The following KLRG1 variants were observed in gnomAD, a reference collection of about 807,000 sequenced individuals.
The protein encoded by KLRG1 is killer cell lectin-like receptor subfamily G member 1.
Under a neutral mutation model 21.8 loss-of-function variants are expected in KLRG1, and 16 were observed. The observed-to-expected ratio is 0.73, with a 90% CI of 0.50 to 1.11. The LOEUF is 1.11. KLRG1 is among the 50% of genes most tolerant of loss of function. The pLI is 0.00. For synonymous variants in KLRG1, 69 were observed against 75.9 expected (o/e 0.91, Z 0.47); for missense variants, 173 against 218.3 (o/e 0.79, Z 1.31).
chr12:9,102,090 T>C, the KLRG1 span, among the ~76,000 whole-genome samples: 1 of 152,164 alleles, frequency 6.6e-6, no homozygotes, highest in Non-Finnish European at 1.5e-5. Context: ...TGAATGGGTA[T>C]TATGAATAAA....
the KLRG1 span, among the ~76,000 whole-genome samples, chr12:9,140,002 G>T: frequency 6.6e-6 from 1 of 151,962 alleles, no homozygotes; most frequent in Non-Finnish European, 1.5e-5. Flanking sequence ...TTATCTTGGG[G>T]CTGCATCTCT....
chr12:9,002,400 G>A (rs1947331906), intron 3 of KLRG1, among the ~76,000 whole-genome samples: 1 of 152,120 alleles, frequency 6.6e-6, no homozygotes. Flanking sequence ...AAGAAAAAGT[G>A]CCCTTGATTT....
At chr12:9,113,341 GTCAAACAGCCACAC>G in the KLRG1 span, 1 of 1,611,300 alleles carries the variant, frequency 6.2e-7, no homozygotes, top group Non-Finnish European at 8.5e-7. Flanking sequence ...AGTATATTAA[GTCAAACAGCCACAC>G]TCACAGCGAA....
the KLRG1 span, among the ~76,000 whole-genome samples, chr12:9,188,230 C>T: frequency 4.6e-5 from 7 of 152,262 alleles, no homozygotes; most frequent in South Asian, 8.3e-4. Context: ...ATAGGCATAT[C>T]AATAAATGTG....
the KLRG1 span, chr12:9,079,544 G>C: frequency 1.6e-6 from 2 of 1,230,894 alleles, no homozygotes; most frequent in Non-Finnish European, 1.1e-6. Flanking sequence ...AGTGAGCTAA[G>C]CTAATGTATC....
At chr12:9,172,024 C>T in the KLRG1 span, among the ~76,000 whole-genome samples, 5 of 152,034 alleles carry the variant, frequency 3.3e-5, no homozygotes, top group South Asian at 4.2e-4. Flanking sequence ...AACATCAACC[C>T]AAAGACACAA....
At chr12:9,212,302 G>A in the KLRG1 span, among the ~76,000 whole-genome samples, 1 of 152,156 alleles carries the variant, frequency 6.6e-6, no homozygotes, top group Non-Finnish European at 1.5e-5. Context: ...AAGATCCACA[G>A]TGGGACCAAG....
intron 1 of KLRG1, among the ~76,000 whole-genome samples, chr12:8,979,608 C>T (rs1946721444): frequency 6.6e-6 from 1 of 152,090 alleles, no homozygotes; most frequent in Non-Finnish European, 1.5e-5. Context: ...ATGTTCTTCC[C>T]TCAATTTGGA....
chr12:8,958,523 C>T (rs1946332260), intron 1 of KLRG1, among the ~76,000 whole-genome samples: 1 of 152,110 alleles, frequency 6.6e-6, no homozygotes, highest in African/African-American at 2.4e-5. Context: ...CTTTGCATTT[C>T]CATATACACT....
At chr12:9,109,360 G>T in the KLRG1 span, 1 of 1,613,312 alleles carries the variant, frequency 6.2e-7, no homozygotes, top group African/African-American at 1.3e-5. Context: ...TTCCAAGATG[G>T]TGATTATCTT....
the KLRG1 span, chr12:9,090,348 T>A: frequency 1.1e-5 from 17 of 1,613,994 alleles, no homozygotes; most frequent in Admixed American, 3.3e-5. Context: ...TAGCAGTTTT[T>A]TGCTCACCTA....
At chr12:8,992,712 T>C (rs765536028) in intron 2 of KLRG1, among the ~76,000 whole-genome samples, 1 of 151,130 alleles carries the variant, frequency 6.6e-6, no homozygotes, top group Non-Finnish European at 1.5e-5. Context: ...ATTATTATTT[T>C]TTTTTTTTTG....
the KLRG1 span, among the ~76,000 whole-genome samples, chr12:9,119,785 C>T: frequency 6.6e-6 from 1 of 152,056 alleles, no homozygotes; most frequent in Non-Finnish European, 1.5e-5. Flanking sequence ...AGGAATGATC[C>T]TTAATGGGAG....
the KLRG1 span, chr12:9,163,756 A>C: frequency 1.2e-6 from 2 of 1,613,938 alleles, no homozygotes; most frequent in African/African-American, 2.7e-5. Context: ...TAAGGACTGC[A>C]TTGCCTCTGC....
At chr12:9,173,594 G>C in the KLRG1 span, among the ~76,000 whole-genome samples, 2 of 151,758 alleles carry the variant, frequency 1.3e-5, no homozygotes, top group African/African-American at 4.8e-5. Context: ...GACTAATAAA[G>C]AAGAAAAAAA....
intron 1 of KLRG1, among the ~76,000 whole-genome samples, chr12:8,983,387 C>G (rs181954279): frequency 1.1e-4 from 16 of 139,560 alleles, no homozygotes; most frequent in African/African-American, 4.3e-4. Flanking sequence ...GCAGTCTTAC[C>G]ATTTTACCTT....
At chr12:9,130,233 G>A in the KLRG1 span, among the ~76,000 whole-genome samples, 16 of 152,050 alleles carry the variant, frequency 1.1e-4, no homozygotes, top group Non-Finnish European at 2.1e-4. Context: ...TTACTTCTTG[G>A]TTATTGGGAC....
chr12:9,171,903 G>A, the KLRG1 span, among the ~76,000 whole-genome samples: 3 of 152,188 alleles, frequency 2.0e-5, no homozygotes, highest in Non-Finnish European at 4.4e-5. Context: ...ATGGAACCAA[G>A]TTGGAAAACA....
chr12:9,031,999 A>G, the KLRG1 span, among the ~76,000 whole-genome samples: 20 of 152,188 alleles, frequency 1.3e-4, no homozygotes, highest in African/African-American at 4.8e-4. Context: ...TCAGTCCACT[A>G]ATTTAAATAC....
Sources: gnomAD v4.1 joint callset for allele counts (sites outside exome capture counted in the v4.1 genomes callset) on GRCh38, gnomAD v4.1.1 for gene constraint, MANE v1.5 for transcripts, NCBI Gene and HGNC (gene_info 2026-07-23, HGNC 2026-07-21) for gene names.